TECRL: variants seen among roughly 807,000 people sequenced by gnomAD.
TECRL encodes the protein trans-2,3-enoyl-CoA reductase-like.
TECRL carries 63 observed loss-of-function variants against 52.8 expected under a neutral mutation model. The observed-to-expected ratio is 1.19, with a 90% CI of 0.97 to 1.47. TECRL has a LOEUF of 1.47. TECRL is among the 40% of genes most tolerant of loss of function. The probability of loss-of-function intolerance (pLI) is 0.00; values close to 1 mark genes in which losing one functional copy is unlikely to be tolerated. For synonymous variants in TECRL, 164 were observed against 141.9 expected (o/e 1.16, Z -1.10); for missense variants, 482 against 429.6 (o/e 1.12, Z -1.08).
chr4:64,301,678 G>T (rs1243724374), intron 7 of TECRL, among the ~76,000 whole-genome samples: 3 of 151,174 alleles, frequency 2.0e-5, no homozygotes, highest in African/African-American at 4.8e-5. Flanking sequence ...GATCAGGGAG[G>T]ATTCTTCTGA....
chr4:64,302,825 A>G (rs1724099485), intron 7 of TECRL, among the ~76,000 whole-genome samples: 1 of 151,432 alleles, frequency 6.6e-6, no homozygotes, highest in South Asian at 2.1e-4. Flanking sequence ...ATTATTTATT[A>G]AGATTATACC....
intron 1 of TECRL, among the ~76,000 whole-genome samples, chr4:64,380,154 T>C (rs1013235794): frequency 6.6e-6 from 1 of 152,120 alleles, no homozygotes; most frequent in African/African-American, 2.4e-5. Context: ...GTTAGTGATG[T>C]TGACCACTTT....
chr4:64,394,692 C>T (rs1055131309), intron 1 of TECRL, among the ~76,000 whole-genome samples: 4 of 151,948 alleles, frequency 2.6e-5, no homozygotes, highest in Non-Finnish European at 5.9e-5. Flanking sequence ...TACTACACTA[C>T]GTGGTGGAGG....
chr4:64,305,130 T>C (rs1394446951), intron 7 of TECRL, 36 bp downstream of exon 7: 6 of 1,502,660 alleles, frequency 4.0e-6, no homozygotes, highest in Non-Finnish European at 5.5e-6. Context: ...GGTTGGTCCT[T>C]TAGTATACGG....
intron 1 of TECRL, among the ~76,000 whole-genome samples, chr4:64,380,118 G>A (rs35183354): frequency 0.88 from 133,985 of 151,776 alleles, 60,158 homozygotes; most frequent in East Asian, 1. Flanking sequence ...ATATCTAATT[G>A]TAGCTTTGAT....
chr4:64,338,630 A>G (rs1719310945), intron 2 of TECRL, among the ~76,000 whole-genome samples: 1 of 152,244 alleles, frequency 6.6e-6, no homozygotes, highest in African/African-American at 2.4e-5. Context: ...AAGGATATGA[A>G]CAGATACTTC....
At chr4:64,406,985 C>T (rs1724773123) in intron 1 of TECRL, among the ~76,000 whole-genome samples, 1 of 142,372 alleles carries the variant, frequency 7.0e-6, no homozygotes, top group Non-Finnish European at 1.5e-5. Context: ...TTTATGTTTA[C>T]AAATTCAAAA....
At chr4:64,372,571 A>G (rs543251111) in intron 2 of TECRL, among the ~76,000 whole-genome samples, 11 of 151,906 alleles carry the variant, frequency 7.2e-5, no homozygotes, top group Admixed American at 3.9e-4. Flanking sequence ...CACTGTATAG[A>G]AAAGACATAT....
At chr4:64,337,428 G>A (rs1437644295) in intron 2 of TECRL, among the ~76,000 whole-genome samples, 9 of 152,090 alleles carry the variant, frequency 5.9e-5, no homozygotes, top group Admixed American at 5.2e-4. Context: ...TCTGGCCAGG[G>A]CAATTAGGCA....
intron 1 of TECRL, among the ~76,000 whole-genome samples, chr4:64,395,602 G>T (rs1041719982): frequency 6.6e-6 from 1 of 152,040 alleles, no homozygotes; most frequent in African/African-American, 2.4e-5. Context: ...CATAAAAAGG[G>T]CAAACTGAGA....
chr4:64,345,931 A>AAAAAAAAAAG (rs1560516770), intron 2 of TECRL, among the ~76,000 whole-genome samples: 1 of 147,554 alleles, frequency 6.8e-6, no homozygotes, highest in African/African-American at 2.5e-5. Flanking sequence ...AAAAAAAAAA[A>AAAAAAAAAAG]CATTTATCAT....
chr4:64,382,221 AT>A (rs1560545420), intron 1 of TECRL, among the ~76,000 whole-genome samples: 1 of 2,936 alleles, frequency 3.4e-4, no homozygotes, highest in African/African-American at 4.0e-4. Context: ...ATATATATAT[AT>A]ATATATATAT....
chr4:64,322,844 A>G (rs1281290254), intron 3 of TECRL, 52 bp from the exon 4 acceptor site: 3 of 1,324,600 alleles, frequency 2.3e-6, no homozygotes, highest in Non-Finnish European at 3.1e-6. Context: ...TCTTAGCATA[A>G]CGATAAAGAA....
At chr4:64,339,474 G>C (rs1719387940) in intron 2 of TECRL, among the ~76,000 whole-genome samples, 1 of 151,504 alleles carries the variant, frequency 6.6e-6, no homozygotes, top group South Asian at 2.1e-4. Context: ...AAAAATATTT[G>C]TTTTCCATTT....
chr4:64,325,290 T>C (rs1158070548), intron 3 of TECRL, among the ~76,000 whole-genome samples: 1 of 152,226 alleles, frequency 6.6e-6, no homozygotes, highest in Non-Finnish European at 1.5e-5. Context: ...GCACCCTTTC[T>C]GCAGAAAGTA....
chr4:64,358,152 G>A (rs904324614), intron 2 of TECRL, among the ~76,000 whole-genome samples: 78 of 151,684 alleles, frequency 5.1e-4, no homozygotes, highest in African/African-American at 1.9e-3. Context: ...TAAATTAGGA[G>A]ATAAAATTCA....
intron 1 of TECRL, among the ~76,000 whole-genome samples, chr4:64,379,674 C>T (rs1188693587): frequency 6.6e-6 from 1 of 152,094 alleles, no homozygotes; most frequent in Admixed American, 6.6e-5. Context: ...ATACTCTGTA[C>T]CTTCATGAGA....
intron 1 of TECRL, among the ~76,000 whole-genome samples, chr4:64,380,410 A>T (rs1410311426): frequency 2.6e-5 from 4 of 152,004 alleles, no homozygotes; most frequent in African/African-American, 7.2e-5. Context: ...GATTATTTTA[A>T]TATGTTCCCA....
intron 7 of TECRL, among the ~76,000 whole-genome samples, chr4:64,302,068 C>T (rs1724053607): frequency 6.6e-6 from 1 of 151,148 alleles, no homozygotes; most frequent in South Asian, 2.1e-4. Context: ...GATTTTTGAA[C>T]ATATACATTC....
Sources: gnomAD v4.1 joint callset for allele counts (sites outside exome capture counted in the v4.1 genomes callset) on GRCh38, gnomAD v4.1.1 for gene constraint, MANE v1.5 for transcripts, NCBI Gene and HGNC (gene_info 2026-07-23, HGNC 2026-07-21) for gene names.